Variants in DMD observed in about 807,000 individuals in gnomAD.
The protein encoded by DMD is dystrophin.
A neutral mutation model predicts 330.1 loss-of-function variants in DMD; 63 were observed. The observed-to-expected ratio is 0.19, with a 90% CI of 0.16 to 0.24. The LOEUF is 0.24. Among genes scored for constraint, DMD ranks in the 10% least tolerant of loss-of-function variants. DMD has a pLI of 1.00. For missense variants in DMD, 3,344 were observed against 2,684.1 expected (o/e 1.25, Z -5.43); for synonymous variants, 1,223 against 959.8 (o/e 1.27, Z -5.07).
Position 32,741,991 on chromosome X carries a change from C to T in DMD, c.650-42698G>A, listed in dbSNP as rs142528688. On this transcript the variant is annotated intron_variant, in intron 7 of 78. Coordinates refer to ENST00000357033, the MANE Select transcript of DMD (RefSeq NM_004006.3). The stretch of plus-strand genomic sequence containing the variant: ...GCAAAAACCGTGATTACTTTTGCAC[C>T]AACTTAATATATTTTTAGAATGTGT... Among the ~76,000 whole-genome samples, 769 of 111,205 alleles carry T rather than the reference C, an allele frequency of 6.9e-3. 8 individuals are homozygous for T. Among genetic ancestry groups the T allele is most frequent in the Admixed American group, 0.027 (287 of 10,452 alleles).
chrX:33,071,254 A>C (rs58828016), intron 1 of DMD, among the ~76,000 whole-genome samples: 9,148 of 109,137 alleles, frequency 0.084, 794 homozygotes, highest in African/African-American at 0.26. Flanking sequence ...AGTTCAAAAC[A>C]AGCCTGGCCA....
At chrX:31,610,769 A>C (rs911156217) in intron 55 of DMD, among the ~76,000 whole-genome samples, 1 of 111,767 alleles carries the variant, frequency 8.9e-6, no homozygotes, top group Non-Finnish European at 1.9e-5. Flanking sequence ...ATATTAGGCT[A>C]AGATATAATT....
At chrX:32,420,680 C>T (rs753623488) in intron 29 of DMD, among the ~76,000 whole-genome samples, 1 of 111,902 alleles carries the variant, frequency 8.9e-6, no homozygotes, top group Non-Finnish European at 1.9e-5. Flanking sequence ...GGAATTCAGA[C>T]TCTCAGGAAA....
chrX:31,160,804 C>A (rs1426024818), intron 74 of DMD, among the ~76,000 whole-genome samples: 1 of 111,560 alleles, frequency 9.0e-6, no homozygotes, highest in Admixed American at 9.5e-5. Context: ...GTCACCCTAT[C>A]TTTGGTGTTT....
chrX:32,778,997 T>A (rs1163168679), intron 7 of DMD, among the ~76,000 whole-genome samples: 1 of 111,537 alleles, frequency 9.0e-6, no homozygotes, highest in Non-Finnish European at 1.9e-5. Context: ...TCATATTGAG[T>A]ATCCAGATTT....
At chrX:32,676,987 T>C (rs1251501986) in intron 9 of DMD, among the ~76,000 whole-genome samples, 1 of 111,846 alleles carries the variant, frequency 8.9e-6, no homozygotes, top group South Asian at 3.6e-4. Context: ...TTTTCATTTA[T>C]TGACATTTAA....
intron 50 of DMD, among the ~76,000 whole-genome samples, chrX:31,794,201 T>C (rs2091712723): frequency 9.0e-6 from 1 of 111,565 alleles, no homozygotes; most frequent in Admixed American, 9.6e-5. Context: ...CCCACTCTAC[T>C]TGGACTTATT....
chrX:31,684,408 C>T (rs1019545089), intron 52 of DMD, among the ~76,000 whole-genome samples: 1 of 111,645 alleles, frequency 9.0e-6, no homozygotes, highest in East Asian at 2.8e-4. Flanking sequence ...TAACTAACTA[C>T]CTCCTTCTCC....
At chrX:32,468,469 T>G (rs1224007671) in intron 23 of DMD, 29 bp downstream of exon 23, 2 of 1,140,508 alleles carry the variant, frequency 1.8e-6, no homozygotes, top group Middle Eastern at 5.4e-4. Flanking sequence ...TAAATAAAAA[T>G]GAGGGTAGAA....
chrX:32,112,998 A>C (rs1189749926), intron 44 of DMD, among the ~76,000 whole-genome samples: 2 of 112,963 alleles, frequency 1.8e-5, no homozygotes, highest in Non-Finnish European at 3.7e-5. Context: ...TTTGAAAGCC[A>C]AATTAGTTAA....
chrX:33,283,905 C>G (rs1460159765), intron 1 of DMD, among the ~76,000 whole-genome samples: 1 of 108,203 alleles, frequency 9.2e-6, no homozygotes, highest in African/African-American at 3.4e-5. Context: ...GTAGTCCCAG[C>G]TACTCAGGAG....
intron 2 of DMD, among the ~76,000 whole-genome samples, chrX:32,879,018 C>CAAAAAAAAA (rs1201402428): frequency 1.0e-5 from 1 of 95,351 alleles, no homozygotes. Context: ...AAAAAAAAAA[C>CAAAAAAAAA]AAAAAACAAA....
At chrX:32,678,845 C>A (rs2062155436) in intron 9 of DMD, among the ~76,000 whole-genome samples, 2 of 111,401 alleles carry the variant, frequency 1.8e-5, no homozygotes, top group South Asian at 7.5e-4. Flanking sequence ...AACTTTGACT[C>A]CCTCCTTACA....
chrX:32,755,316 G>GA (rs200263419), intron 7 of DMD, among the ~76,000 whole-genome samples: 37,483 of 108,019 alleles, frequency 0.35, 5,664 homozygotes, highest in African/African-American at 0.55. Flanking sequence ...TTCAGACAAG[G>GA]AAAAAAAACA....
At chrX:31,228,566 C>A (rs1410899062) in intron 63 of DMD, among the ~76,000 whole-genome samples, 1 of 111,920 alleles carries the variant, frequency 8.9e-6, no homozygotes, top group Non-Finnish European at 1.9e-5. Flanking sequence ...CAGCTGTGAA[C>A]AATGTGACAC....
chrX:32,708,038 T>C (rs1014899085), intron 7 of DMD, among the ~76,000 whole-genome samples: 10 of 112,064 alleles, frequency 8.9e-5, no homozygotes, highest in African/African-American at 3.2e-4. Context: ...ACTCCACCCC[T>C]TATCTTCCTC....
At chrX:32,900,233 G>C (rs947879822) in intron 2 of DMD, among the ~76,000 whole-genome samples, 2 of 111,892 alleles carry the variant, frequency 1.8e-5, no homozygotes. Context: ...AATTGTGTTG[G>C]TATGAATAGG....
intron 1 of DMD, among the ~76,000 whole-genome samples, chrX:33,302,558 T>C (rs2053681687): frequency 8.9e-6 from 1 of 112,131 alleles, no homozygotes; most frequent in African/African-American, 3.2e-5. Context: ...TTCTCTTTAC[T>C]CTTTCCATTT....
At chrX:31,642,822 A>G (rs2079849796) in intron 54 of DMD, among the ~76,000 whole-genome samples, 1 of 112,110 alleles carries the variant, frequency 8.9e-6, no homozygotes, top group African/African-American at 3.2e-5. Flanking sequence ...ACTTGGAAAT[A>G]TGTTTGAAGA....
Sources: gnomAD v4.1 joint callset for allele counts (sites outside exome capture counted in the v4.1 genomes callset) on GRCh38, gnomAD v4.1.1 for gene constraint, MANE v1.5 for transcripts, NCBI Gene and HGNC (gene_info 2026-07-23, HGNC 2026-07-21) for gene names.